KIAA1217: variants seen among roughly 807,000 people sequenced by gnomAD.
KIAA1217 encodes KIAA1217, also known as sickle tail protein homolog.
In KIAA1217, 88 loss-of-function variants were observed where a neutral mutation model predicts 163.9. That is an observed-to-expected ratio of 0.54 (90% CI 0.45 to 0.64). The LOEUF (loss-of-function observed/expected upper bound fraction) is 0.64, where lower values mean the gene tolerates loss of function less well. Ranked by LOEUF, KIAA1217 falls within the 30% of genes least tolerant of loss-of-function variation. The probability of loss-of-function intolerance (pLI) is 0.00; values close to 1 mark genes in which losing one functional copy is unlikely to be tolerated. For missense variants in KIAA1217, 2,372 were observed against 2,475.0 expected (o/e 0.96, Z 0.88); for synonymous variants, 903 against 923.1 (o/e 0.98, Z 0.39).
chr10:24,060,715 G>A lies in KIAA1217; in HGVS notation c.-171+53341G>A, dbSNP rs1386144757. 2.0e-5 allele frequency among the ~76,000 whole-genome samples: 3 copies of A among 152,224 alleles called. No individual in the cohort carries two copies. The South Asian group carries it at 6.2e-4, about 32-fold the overall frequency. On this transcript the variant is annotated intron_variant, in intron 2 of 18. Coordinates refer to the KIAA1217 transcript ENST00000376462. The stretch of plus-strand genomic sequence containing the variant: ...GGAGGCTGAGGCAGGAGGATTATTT[G>A]AGCCCCAGAGTTCCAGTTTATAGTG...
At chr10:23,796,340 C>CTTATTATTTATTTAT (rs1554796756) in intron 1 of KIAA1217, among the ~76,000 whole-genome samples, 21 of 148,378 alleles carry the variant, frequency 1.4e-4, no homozygotes, top group African/African-American at 5.2e-4. Context: ...CGAGAGACTG[C>CTTATTATTTATTTAT]TTATTTATTT....
intron 1 of KIAA1217, among the ~76,000 whole-genome samples, chr10:23,805,843 A>G (rs1213384438): frequency 1.3e-5 from 2 of 151,662 alleles, no homozygotes; most frequent in African/African-American, 4.8e-5. Flanking sequence ...GTGAAACCCC[A>G]TCTCTACTAA....
intron 2 of KIAA1217, among the ~76,000 whole-genome samples, chr10:24,345,950 A>G (rs1325593807): frequency 2.0e-5 from 3 of 152,116 alleles, no homozygotes; most frequent in Non-Finnish European, 4.4e-5. Context: ...TATCCATTCA[A>G]CAACAGCTCT....
intron 1 of KIAA1217, among the ~76,000 whole-genome samples, chr10:23,880,518 A>G (rs1840903572): frequency 6.6e-6 from 1 of 151,924 alleles, no homozygotes; most frequent in African/African-American, 2.4e-5. Flanking sequence ...TAGAAAGAAT[A>G]AGTAAGACCT....
Position 24,227,062 on chromosome 10 carries a change from C to T in KIAA1217, c.354+7153C>T, listed in dbSNP as rs530519052. Among the ~76,000 whole-genome samples, 78 of 152,076 alleles carry T rather than the reference C, an allele frequency of 5.1e-4. 1 individual carries two copies. The highest frequency in any genetic ancestry group is 1.9e-3 in the African/African-American group (78 of 41,454). The stretch of plus-strand genomic sequence containing the variant: ...TATGTGGATTCTTTTATCTGATGTG[C>T]TCAGATCATAAAAGAAACGAATAAT... On this transcript the variant is annotated intron_variant, in intron 2 of 20. Transcript: ENST00000376454.
chr10:24,373,805 A>G (rs930709121), intron 2 of KIAA1217, among the ~76,000 whole-genome samples: 1 of 152,204 alleles, frequency 6.6e-6, no homozygotes, highest in African/African-American at 2.4e-5. Context: ...TTCGCTCCAC[A>G]CAGAGGATGC....
intron 1 of KIAA1217, among the ~76,000 whole-genome samples, chr10:23,810,972 T>G (rs1837009696): frequency 8.5e-6 from 1 of 118,208 alleles, no homozygotes; most frequent in Admixed American, 9.7e-5. Flanking sequence ...TAGTATATAT[T>G]ATATACTATA....
chr10:23,895,848 T>C (rs1190136520), intron 1 of KIAA1217, among the ~76,000 whole-genome samples: 2 of 151,784 alleles, frequency 1.3e-5, no homozygotes, highest in East Asian at 1.9e-4. Flanking sequence ...TGTAGGGACA[T>C]GGATGAAATT....
At chr10:23,770,699 C>G (rs1034607599) in intron 1 of KIAA1217, among the ~76,000 whole-genome samples, 2 of 152,186 alleles carry the variant, frequency 1.3e-5, no homozygotes, top group African/African-American at 2.4e-5. Flanking sequence ...TCTAGCATCT[C>G]TATGATGCAC....
At chr10:24,064,925 G>T (rs1490908202) in intron 2 of KIAA1217, among the ~76,000 whole-genome samples, 3 of 152,168 alleles carry the variant, frequency 2.0e-5, no homozygotes, top group South Asian at 4.1e-4. Context: ...TAGTTTATTT[G>T]CATAGAGGTG....
At chr10:24,416,089 C>A (rs1362072216) in intron 3 of KIAA1217, among the ~76,000 whole-genome samples, 2 of 152,154 alleles carry the variant, frequency 1.3e-5, no homozygotes. Flanking sequence ...AGGGAGGAAA[C>A]TTTTCTAACA....
At chr10:23,759,828 A>AAAAGTTGTACC (rs1451250434) in intron 1 of KIAA1217, among the ~76,000 whole-genome samples, 1 of 152,202 alleles carries the variant, frequency 6.6e-6, no homozygotes, top group Non-Finnish European at 1.5e-5. Flanking sequence ...ATTGCCCTCC[A>AAAAGTTGTACC]AAAGTTGTAC....
At chr10:24,482,509 A>G (rs772568379) in intron 6 of KIAA1217, 2 of 152,238 alleles carry the variant, frequency 1.3e-5, no homozygotes, top group Non-Finnish European at 2.9e-5. Flanking sequence ...GATCGTCAAA[A>G]TAGCCCAGGA....
At chr10:24,258,615 C>T (rs867179032) in intron 2 of KIAA1217, among the ~76,000 whole-genome samples, 5 of 148,230 alleles carry the variant, frequency 3.4e-5, no homozygotes, top group South Asian at 2.1e-4. Flanking sequence ...TTTTTTGAGA[C>T]GGAGTCTCGC....
At chr10:24,330,208 G>A (rs1048128084) in intron 2 of KIAA1217, among the ~76,000 whole-genome samples, 2 of 150,798 alleles carry the variant, frequency 1.3e-5, no homozygotes, top group Admixed American at 6.7e-5. Context: ...GCTGAGGCAG[G>A]AGAATCACTT....
intron 2 of KIAA1217, among the ~76,000 whole-genome samples, chr10:24,238,644 A>T (rs1421001742): frequency 6.6e-6 from 1 of 152,104 alleles, no homozygotes; most frequent in Non-Finnish European, 1.5e-5. Flanking sequence ...CTGGCAGGGA[A>T]CCTGTTTTGC....
At position 24,528,013 on chromosome 10, in the gene KIAA1217, A is replaced by G. The variant is rs779776436; in HGVS notation, c.2976A>G (p.Glu992=). ...GGAAAGAGTTTGAGAAGCTCCTAGA[A>G]GAAGCTCAGGCCAATATCATGAAGT... ...YNGKEFEKLL[E]EAQANIMKSI... The change falls in exon 14 of 21, where the codon GAA becomes GAG. Residue 992 remains glutamate (E), a synonymous_variant. Coordinates refer to ENST00000376454, the MANE Select transcript of KIAA1217 (RefSeq NM_019590.5). 6.2e-7 allele frequency: 1 copy of G among 1,614,208 alleles called. No individual in the cohort carries two copies. Among genetic ancestry groups the G allele is most frequent in the Non-Finnish European group, 8.5e-7 (1 of 1,180,030 alleles).
At chr10:23,768,233 T>A (rs376555158) in intron 1 of KIAA1217, among the ~76,000 whole-genome samples, 1 of 152,208 alleles carries the variant, frequency 6.6e-6, no homozygotes, top group Non-Finnish European at 1.5e-5. Flanking sequence ...GAGCATGGTC[T>A]CTTTTATGGT....
At chr10:23,737,698 T>G (rs917225637) in intron 1 of KIAA1217, among the ~76,000 whole-genome samples, 1 of 152,210 alleles carries the variant, frequency 6.6e-6, no homozygotes, top group African/African-American at 2.4e-5. Flanking sequence ...TTTCATTCTG[T>G]TACTGTATCA....
Sources: gnomAD v4.1 joint callset for allele counts (sites outside exome capture counted in the v4.1 genomes callset) on GRCh38, gnomAD v4.1.1 for gene constraint, MANE v1.5 for transcripts, NCBI Gene and HGNC (gene_info 2026-07-23, HGNC 2026-07-21) for gene names.